The following ADGRL2 variants were observed in gnomAD, a reference collection of about 807,000 sequenced individuals.
The protein encoded by ADGRL2 is calcium-independent alpha-latrotoxin receptor 2.
A neutral mutation model predicts 157.4 loss-of-function variants in ADGRL2; 44 were observed. The ratio of observed to expected loss-of-function variants is 0.28; its 90% CI spans 0.22 to 0.36. The LOEUF is 0.36. Among genes scored for constraint, ADGRL2 ranks in the 10% least tolerant of loss-of-function variants. ADGRL2 has a pLI of 1.00. For synonymous variants in ADGRL2, 585 were observed against 624.7 expected, an observed-to-expected ratio of 0.94 and a Z score of 0.95; for missense variants, 1,510 against 1,768.9, an observed-to-expected ratio of 0.85 and a Z score of 2.63.
At position 81,734,741 on chromosome 1, in the gene ADGRL2, G is replaced by A. The variant is rs1225570293; in HGVS notation, c.-142-27070G>A. On this transcript the variant is annotated intron_variant, in intron 1 of 20. Transcript: ENST00000359929. ...CAATGAAGAAACTGAGGCTTAAAGAGGTGTAAGTTGGCCAGGCCATGGTGG... is the reference window on the plus strand; with the variant it reads ...CAATGAAGAAACTGAGGCTTAAAGAAGTGTAAGTTGGCCAGGCCATGGTGG... Among the ~76,000 whole-genome samples, 5 of 149,146 alleles carry A rather than the reference G, an allele frequency of 3.4e-5. No individual in the cohort carries two copies. The East Asian group carries it at 9.8e-4, about 29-fold the overall frequency.
chr1:81,993,693 G>C lies in ADGRL2; in HGVS notation c.*2548G>C, dbSNP rs906964883. Among the ~76,000 whole-genome samples, 4 of 152,130 alleles carry C rather than the reference G, an allele frequency of 2.6e-5. No homozygotes were observed. The highest frequency in any genetic ancestry group is 9.6e-5 in the African/African-American group (4 of 41,512). The stretch of plus-strand genomic sequence containing the variant: ...TAGTACAAGGTAGTTTCTTAGGTTT[G>C]TAATTACTAAACTACTGACTGTTTT... On this transcript the variant is annotated 3_prime_UTR_variant, in exon 24 of 24. Coordinates refer to ENST00000686636, the MANE Select transcript of ADGRL2 (RefSeq NM_001366006.2).
At chr1:81,327,134 A>C (rs1660958414) in intron 1 of ADGRL2, among the ~76,000 whole-genome samples, 1 of 152,144 alleles carries the variant, frequency 6.6e-6, no homozygotes, top group Admixed American at 6.5e-5. Flanking sequence ...TTTATCTGAG[A>C]GTCTCCGGTG....
chr1:81,950,226 G>A lies in ADGRL2; in HGVS notation c.1248G>A (p.Glu416=). 2 of 1,613,992 alleles carry A rather than the reference G, an allele frequency of 1.2e-6. No homozygotes were observed. Among genetic ancestry groups the A allele is most frequent in the Non-Finnish European group, 1.7e-6 (2 of 1,179,926 alleles). ...CTGTGACAATAACTTCTTCAGCTGA[G>A]CTGTTCAAAACCATAATATCAACCA... The part of the protein sequence containing the change: ...TTAVTITSSA[E]LFKTIISTTS... Residue 416 remains glutamate (E), a synonymous_variant, in exon 7 of 24, where the codon GAG becomes GAA. Coordinates refer to ENST00000686636, the MANE Select transcript of ADGRL2 (RefSeq NM_001366006.2).
At chr1:81,535,265 T>C (rs374582369) in intron 2 of ADGRL2, among the ~76,000 whole-genome samples, 6 of 152,360 alleles carry the variant, frequency 3.9e-5, no homozygotes, top group African/African-American at 1.4e-4. Context: ...GTGAGAGTGA[T>C]TTTTAAAAAT....
At chr1:81,710,921 T>G (rs2083906708) in intron 1 of ADGRL2, among the ~76,000 whole-genome samples, 1 of 152,118 alleles carries the variant, frequency 6.6e-6, no homozygotes, top group Non-Finnish European at 1.5e-5. Context: ...ATCTGCTGCA[T>G]TAAAATACAT....
chr1:81,738,727 T>C (rs2084980783), intron 1 of ADGRL2, among the ~76,000 whole-genome samples: 1 of 152,188 alleles, frequency 6.6e-6, no homozygotes, highest in Non-Finnish European at 1.5e-5. Context: ...CTACCCCCGT[T>C]TTCCAGATGC....
chr1:81,592,795 G>A (rs1216056331), intron 3 of ADGRL2, among the ~76,000 whole-genome samples: 2 of 151,952 alleles, frequency 1.3e-5, no homozygotes, highest in African/African-American at 2.4e-5. Context: ...GAGGTGTAGG[G>A]GTGGGGAAGT....
chr1:81,954,820 T>A (rs986362337), intron 10 of ADGRL2, among the ~76,000 whole-genome samples: 1 of 152,174 alleles, frequency 6.6e-6, no homozygotes, highest in Non-Finnish European at 1.5e-5. Context: ...CAAACAACTT[T>A]CCCCCCTGTT....
chr1:81,432,515 A>G lies in ADGRL2; in HGVS notation c.-301-12521A>G, dbSNP rs185187858. Among the ~76,000 whole-genome samples, 4 of 152,366 alleles carry G rather than the reference A, an allele frequency of 2.6e-5. No homozygotes were observed. The East Asian group carries it at 7.7e-4, about 29-fold the overall frequency. ...TGAACTTTTAAAAACTCAAGGATGC[A>G]TAAGAAGTACTCCAGAGGAGAATAA... is the stretch of plus-strand genomic sequence containing the variant. On this transcript the variant is annotated intron_variant, in intron 1 of 24. Transcript: ENST00000370721.
At chr1:81,750,722 C>CA (rs370212610) in intron 1 of ADGRL2, among the ~76,000 whole-genome samples, 128 of 149,636 alleles carry the variant, frequency 8.6e-4, no homozygotes, top group African/African-American at 2.5e-3. Flanking sequence ...ATTTCAAAAA[C>CA]AAAAAAAACA....
chr1:81,787,326 T>C (rs536052072), intron 2 of ADGRL2, among the ~76,000 whole-genome samples: 1 of 152,306 alleles, frequency 6.6e-6, no homozygotes, highest in South Asian at 2.1e-4. Context: ...TTTGTTTCTG[T>C]CAAGGCACCT....
chr1:81,412,431 C>T (rs1334436276), intron 1 of ADGRL2, among the ~76,000 whole-genome samples: 4 of 152,212 alleles, frequency 2.6e-5, no homozygotes, highest in African/African-American at 7.2e-5. Flanking sequence ...ACCATCTTCT[C>T]TTACAGTTCA....
At chr1:81,964,047 G>A (rs1656316446) in intron 11 of ADGRL2, among the ~76,000 whole-genome samples, 1 of 151,420 alleles carries the variant, frequency 6.6e-6, no homozygotes, top group Non-Finnish European at 1.5e-5. Flanking sequence ...GTTCATTATT[G>A]CATTTTCTTA....
intron 2 of ADGRL2, among the ~76,000 whole-genome samples, chr1:81,551,038 A>C (rs978173910): frequency 2.0e-5 from 3 of 152,144 alleles, no homozygotes; most frequent in Admixed American, 6.5e-5. Flanking sequence ...GCCTCTTAGA[A>C]GATGTACTGA....
At chr1:81,404,816 T>G (rs547379639) in intron 1 of ADGRL2, among the ~76,000 whole-genome samples, 1 of 152,360 alleles carries the variant, frequency 6.6e-6, no homozygotes, top group East Asian at 1.9e-4. Flanking sequence ...GTCTCTCATG[T>G]GCATTCTTAT....
intron 1 of ADGRL2, among the ~76,000 whole-genome samples, chr1:81,828,379 T>C (rs1296910041): frequency 6.6e-6 from 1 of 152,170 alleles, no homozygotes; most frequent in Non-Finnish European, 1.5e-5. Context: ...GATTGGAAAA[T>C]TCAGTAGTTT....
chr1:81,383,691 A>G (rs900172135), intron 1 of ADGRL2, among the ~76,000 whole-genome samples: 48 of 150,494 alleles, frequency 3.2e-4, no homozygotes, highest in African/African-American at 7.8e-4. Flanking sequence ...GGCCGGGTGC[A>G]CGGTGGCTCA....
chr1:81,832,252 C>T (rs2091994469), intron 1 of ADGRL2, among the ~76,000 whole-genome samples: 1 of 152,164 alleles, frequency 6.6e-6, no homozygotes, highest in Non-Finnish European at 1.5e-5. Context: ...AGCAATTCTC[C>T]TTCCTTAGCC....
intron 1 of ADGRL2, among the ~76,000 whole-genome samples, chr1:81,742,012 A>C (rs2085087989): frequency 6.6e-6 from 1 of 151,968 alleles, no homozygotes; most frequent in African/African-American, 2.4e-5. Context: ...AAAAGACTGA[A>C]GTTTTCCTGC....
Sources: allele counts gnomAD v4.1 joint callset (sites outside exome capture counted in the v4.1 genomes callset), GRCh38; gene constraint gnomAD v4.1.1; transcripts MANE v1.5; gene names NCBI Gene and HGNC (gene_info 2026-07-23, HGNC 2026-07-21).